Variants in BNIP3L observed in about 807,000 individuals in gnomAD.
BNIP3L encodes BCL2 interacting protein 3 like.
In BNIP3L, 10 loss-of-function variants were observed where a neutral mutation model predicts 25.5. The observed-to-expected ratio is 0.39, with a 90% CI of 0.24 to 0.67. BNIP3L has a LOEUF of 0.67. BNIP3L is among the 30% of genes least tolerant of loss of function. The pLI is 0.45. For synonymous variants in BNIP3L, 113 were observed against 101.2 expected (o/e 1.12, Z -0.70); for missense variants, 215 against 270.9 (o/e 0.79, Z 1.45).
chr8:26,401,610 A>T (rs539495055), intron 3 of BNIP3L, among the ~76,000 whole-genome samples: 2 of 150,994 alleles, frequency 1.3e-5, no homozygotes, highest in East Asian at 1.9e-4. Flanking sequence ...TACAAAATAA[A>T]AAAAAAAAAA....
chr8:26,408,499 T>G, intron 5 of BNIP3L, 123 bp downstream of exon 5: 1 of 1,198,146 alleles, frequency 8.3e-7, no homozygotes, highest in Non-Finnish European at 1.2e-6. Context: ...GCAAATAAGG[T>G]GAACTTAAAA....
In BNIP3L at chr8:26,392,016, CAG is replaced by C. The variant is rs150144716; in HGVS notation, c.284+591_284+592del. Among the ~76,000 whole-genome samples the C allele has an allele frequency of 7.0e-3, 1,072 of 152,314 alleles. 10 individuals are homozygous for C. The highest frequency in any genetic ancestry group is 0.024 in the African/African-American group (1,010 of 41,566). On this transcript the variant is annotated intron_variant, in intron 2 of 5. Transcript: ENST00000380629. ...AGTTTTGAAGTCTCCTCTGCTTTCT[CAG>C]GGGATGTTTTGTTTCAGACCTCATT...
intron 3 of BNIP3L, among the ~76,000 whole-genome samples, chr8:26,407,623 C>T (rs188028970): frequency 3.4e-4 from 52 of 152,248 alleles, no homozygotes; most frequent in African/African-American, 1.2e-3. Context: ...CCACTGCACC[C>T]GGCCTAATTA....
rs1377907802 is a variant in BNIP3L, at chr8:26,411,637, C to T, written c.*1225C>T. On this transcript the variant is annotated 3_prime_UTR_variant, in exon 6 of 6. Transcript: ENST00000380629. ...TCAGTTATGGTAAACTCTTAAAGTT[C>T]AGAACACTCAACAGATTCCTTCAGT... 5 of 152,572 alleles carry T rather than the reference C, an allele frequency of 3.3e-5. No individual in the cohort carries two copies. The highest frequency in any genetic ancestry group is 4.4e-5 in the Non-Finnish European group (3 of 68,032). The allele number at this position is 152,572 out of a possible 1,614,324, so 9.5% of individuals were successfully genotyped here. A position where few individuals can be genotyped will look rare whatever the true frequency, so the allele number is the denominator to read the frequency against.
chr8:26,404,182 A>G (rs940096955), intron 3 of BNIP3L, among the ~76,000 whole-genome samples: 6 of 152,246 alleles, frequency 3.9e-5, no homozygotes, highest in African/African-American at 9.6e-5. Flanking sequence ...TTTGTATCAG[A>G]AAACAGACTG....
chr8:26,389,030 G>C (rs1806050710), intron 1 of BNIP3L, among the ~76,000 whole-genome samples: 1 of 152,016 alleles, frequency 6.6e-6, no homozygotes, highest in African/African-American at 2.4e-5. Flanking sequence ...GATATTGTTT[G>C]TTACACCCTT....
intron 3 of BNIP3L, among the ~76,000 whole-genome samples, chr8:26,403,863 T>C (rs1554522159): frequency 6.6e-6 from 1 of 152,090 alleles, no homozygotes; most frequent in Non-Finnish European, 1.5e-5. Context: ...CTCAATCCAG[T>C]GAAAGCAATG....
At chr8:26,396,918 G>A (rs1806260279) in intron 3 of BNIP3L, among the ~76,000 whole-genome samples, 1 of 86,980 alleles carries the variant, frequency 1.1e-5, no homozygotes, top group Non-Finnish European at 2.3e-5. Flanking sequence ...GGGAAGTTTA[G>A]AGAAAAAAGA....
At chr8:26,391,507 C>T in intron 2 of BNIP3L, 81 bp downstream of exon 2, 1 of 1,212,506 alleles carries the variant, frequency 8.2e-7, no homozygotes, top group Non-Finnish European at 1.1e-6. Context: ...AATCTGTTTG[C>T]TTAAATCTTC....
rs530274894 is a variant in BNIP3L, at chr8:26,412,589, C to T, written c.*2177C>T. 5.2e-5 allele frequency: 8 copies of T among 152,540 alleles called. No homozygotes were observed. The South Asian group carries it at 1.5e-3, about 28-fold the overall frequency. The allele number at this position is 152,540 out of a possible 1,614,324, so 9.4% of individuals were successfully genotyped here. ...TACTTAAAACGTGAATACATCATCA[C>T]AGTAGAATTTATTATGAGAGCATGT... On this transcript the variant is annotated 3_prime_UTR_variant, in exon 6 of 6. Transcript: ENST00000380629.
intron 5 of BNIP3L, among the ~76,000 whole-genome samples, chr8:26,409,549 G>T (rs146904206): frequency 5.1e-4 from 77 of 152,250 alleles, no homozygotes; most frequent in Admixed American, 8.5e-4. Context: ...ACCTAGAAGG[G>T]GTTTGTGCAG....
At chr8:26,390,434 C>T in intron 1 of BNIP3L, 1 of 985,356 alleles carries the variant, frequency 1.0e-6, no homozygotes, top group Non-Finnish European at 1.2e-6. Context: ...GCAGTTGTTT[C>T]TGCTCCCAAA....
intron 2 of BNIP3L, 72 bp downstream of exon 2, chr8:26,391,498 A>C: frequency 7.6e-7 from 1 of 1,321,084 alleles, no homozygotes; most frequent in South Asian, 1.8e-5. Flanking sequence ...TCTAGGAAAA[A>C]TCTGTTTGCT....
intron 3 of BNIP3L, among the ~76,000 whole-genome samples, chr8:26,405,945 A>G (rs1240362186): frequency 6.6e-6 from 1 of 152,220 alleles, no homozygotes; most frequent in Non-Finnish European, 1.5e-5. Context: ...CTGGAAGCTG[A>G]GGCAGGAGAA....
chr8:26,391,536 C>G (rs1317567635), intron 2 of BNIP3L, 110 bp downstream of exon 2: 3 of 890,810 alleles, frequency 3.4e-6, no homozygotes, highest in African/African-American at 1.7e-5. Flanking sequence ...AAATATGCCT[C>G]CTGATATATT....
chr8:26,408,451 G>C, intron 5 of BNIP3L, 75 bp downstream of exon 5: 2 of 1,488,160 alleles, frequency 1.3e-6, no homozygotes, highest in Non-Finnish European at 1.8e-6. Flanking sequence ...AAATGTATGT[G>C]AAAGCAGTTT....
At chr8:26,402,961 A>G (rs902319702) in intron 3 of BNIP3L, among the ~76,000 whole-genome samples, 3 of 152,164 alleles carry the variant, frequency 2.0e-5, no homozygotes, top group Non-Finnish European at 4.4e-5. Flanking sequence ...TTGAATGTAC[A>G]TGGAATTCTA....
At chr8:26,402,919 G>A (rs943001822) in intron 3 of BNIP3L, among the ~76,000 whole-genome samples, 3 of 152,202 alleles carry the variant, frequency 2.0e-5, no homozygotes, top group Non-Finnish European at 4.4e-5. Flanking sequence ...GGCTCATGGA[G>A]TTGCAGATGT....
rs1355626308 is a variant in BNIP3L at position 26,410,387 on chromosome 8, G to A, written c.635G>A (p.Ser212Asn). The A allele has an allele frequency of 6.2e-7, 1 of 1,614,102 alleles. No homozygotes were observed. Among genetic ancestry groups the A allele is most frequent in the Non-Finnish European group, 8.5e-7 (1 of 1,180,010 alleles). The change falls in exon 6 of 6, where the codon AGC becomes AAC. Residue 212 changes from serine (S) to asparagine (N), a missense_variant. Physicochemically the swap from Ser to Asn is conservative, Grantham distance 46 (BLOSUM62 1). Coordinates refer to ENST00000380629, the MANE Select transcript of BNIP3L (RefSeq NM_004331.3). ...AGCATCTATATTGGAAAGCGACTGA[G>A]CACACCCTCTGCCAGCACCTACTGA... ...GLGIYIGKRL[S>N]TPSASTY
Sources: gnomAD v4.1 joint callset for allele counts (sites outside exome capture counted in the v4.1 genomes callset) on GRCh38, gnomAD v4.1.1 for gene constraint, MANE v1.5 for transcripts, NCBI Gene and HGNC (gene_info 2026-07-23, HGNC 2026-07-21) for gene names.